Variants in MYOM1 observed in about 807,000 individuals in gnomAD.
The protein encoded by MYOM1 is myomesin 1, also known as myomesin-1.
A neutral mutation model predicts 205.3 loss-of-function variants in MYOM1; 164 were observed. That is an observed-to-expected ratio of 0.80 (90% CI 0.70 to 0.91). MYOM1 has a LOEUF of 0.91. MYOM1 is among the 40% of genes least tolerant of loss of function. The pLI is 0.00. For synonymous variants in MYOM1, 772 were observed against 789.4 expected, an observed-to-expected ratio of 0.98 and a Z score of 0.37; for missense variants, 2,011 against 2,127.3, an observed-to-expected ratio of 0.95 and a Z score of 1.08.
chr18:3,071,244 T>G lies in MYOM1; in HGVS notation c.4764+590A>C, dbSNP rs4798062. On this transcript the variant is annotated intron_variant, in intron 37 of 37. Transcript: ENST00000356443. ...ATAGAGTTAACACAGAACATGTTCATTTTCTCATAATTTTAAAGGGTGACT... is the reference window on the plus strand; with the variant it reads ...ATAGAGTTAACACAGAACATGTTCAGTTTCTCATAATTTTAAAGGGTGACT... 1.4e-3 allele frequency among the ~76,000 whole-genome samples: 213 copies of G among 152,208 alleles called. 1 individual carries two copies. Among genetic ancestry groups the G allele is most frequent in the African/African-American group, 4.7e-3 (195 of 41,524 alleles).
At chr18:3,228,947 C>T in the MYOM1 span, among the ~76,000 whole-genome samples, 1 of 152,216 alleles carries the variant, frequency 6.6e-6, no homozygotes, top group Non-Finnish European at 1.5e-5. The surrounding 1 kb of genome is among the most constrained non-coding windows in gnomAD (Gnocchi z 4.5). Context: ...TGGTTCTCAC[C>T]AATGTCCTAC....
In MYOM1 at chr18:3,156,286, T is replaced by C. The variant is rs74844038; in HGVS notation, c.1502-1198A>G. Among the ~76,000 whole-genome samples, 1,311 of 152,334 alleles carry C rather than the reference T, an allele frequency of 8.6e-3. 14 individuals are homozygous for C. Among genetic ancestry groups the C allele is most frequent in the African/African-American group, 0.027 (1,136 of 41,584 alleles). On this transcript the variant is annotated intron_variant, in intron 10 of 37. Coordinates refer to ENST00000356443, the MANE Select transcript of MYOM1 (RefSeq NM_003803.4). ...CCACTCACTCAAGGGAAAGCACCCA[T>C]GTCGACCAAACAAACACTTTCTTTC...
chr18:3,166,131 T>C (rs2080465551), intron 9 of MYOM1, among the ~76,000 whole-genome samples: 1 of 152,168 alleles, frequency 6.6e-6, no homozygotes, highest in Admixed American at 6.6e-5. Flanking sequence ...GATTATGAAC[T>C]TCAAGGGGTG....
Position 3,067,515 on chromosome 18 carries a change from G to A in MYOM1, c.4805C>T (p.Pro1602Leu), listed in dbSNP as rs899392170. The change falls in exon 38 of 38, where the codon CCG becomes CTG. Residue 1602 changes from proline (P) to leucine (L), a missense_variant. Transcript: ENST00000356443. ...CTCGTTCTTCAACCACGACACCTCC[G>A]GAGGCGGGTCTCCCCACACGTTGCA... The part of the protein sequence containing the change: ...LTCNVWGDPP[P>L]EVSWLKNEKA... 5.0e-6 allele frequency: 8 copies of A among 1,613,826 alleles called. No individual in the cohort carries two copies. Among genetic ancestry groups the A allele is most frequent in the South Asian group, 2.2e-5 (2 of 91,074 alleles).
At chr18:3,241,829 G>T in the MYOM1 span, among the ~76,000 whole-genome samples, 3,483 of 152,320 alleles carry the variant, frequency 0.023, 125 homozygotes, top group African/African-American at 0.08. Flanking sequence ...AAGACCGTGG[G>T]AACCCACCTC....
the MYOM1 span, among the ~76,000 whole-genome samples, chr18:3,245,777 G>C: frequency 6.6e-6 from 1 of 152,234 alleles, no homozygotes; most frequent in East Asian, 1.9e-4. Context: ...TCTAGAATTA[G>C]CTCTTTAACA....
At chr18:3,121,589 C>G (rs931964281) in intron 19 of MYOM1, among the ~76,000 whole-genome samples, 1 of 152,118 alleles carries the variant, frequency 6.6e-6, no homozygotes, top group Non-Finnish European at 1.5e-5. Flanking sequence ...AATTAAAACA[C>G]AGACACATAC....
chr18:3,107,499 T>C (rs2079467225), intron 22 of MYOM1, among the ~76,000 whole-genome samples: 1 of 152,184 alleles, frequency 6.6e-6, no homozygotes, highest in African/African-American at 2.4e-5. Flanking sequence ...GTTTAGTTTA[T>C]TGAGAATAGG....
Position 3,155,024 on chromosome 18 carries a change from G to T in MYOM1, c.1566C>A (p.Asn522Lys), listed in dbSNP as rs989664122. 13 of 1,613,330 alleles carry T rather than the reference G, an allele frequency of 8.1e-6. No homozygotes were observed. Among genetic ancestry groups the T allele is most frequent in the Admixed American group, 5.0e-5 (3 of 59,928 alleles). Residue 522 changes from asparagine to lysine, a missense_variant, in exon 11 of 38, where the codon AAC becomes AAA. Asn to Lys is a moderately conservative substitution (Grantham distance 94). Coordinates refer to ENST00000356443, the MANE Select transcript of MYOM1 (RefSeq NM_003803.4). ...TCCAGGAGATGATGATATAATCTTT[G>T]TTGGCCTCCAAGCACTTCACATCCA... ...APLDVKCLEANKDYIIISWKQ... is the reference protein window; with the variant it reads ...APLDVKCLEAKKDYIIISWKQ...
chr18:3,077,557 C>T (rs2079033365), intron 34 of MYOM1, among the ~76,000 whole-genome samples: 1 of 152,026 alleles, frequency 6.6e-6, no homozygotes. Context: ...CTCTTGTCCC[C>T]GCACCACTCT....
chr18:3,117,947 A>AACCATGAT lies in MYOM1; in HGVS notation c.3119-1440_3119-1433dup, dbSNP rs1178352370. ...GTTCTGTTTTGCAAAGGGCTTTTATAACCATGATCTTGTGTCATCCTGAGA... is the reference window on the plus strand; with the variant it reads ...GTTCTGTTTTGCAAAGGGCTTTTATAACCATGATACCATGATCTTGTGTCATCCTGAGA... On this transcript the variant is annotated intron_variant, in intron 20 of 37. Transcript: ENST00000356443. Among the ~76,000 whole-genome samples the AACCATGAT allele has an allele frequency of 2.6e-5, 4 of 152,300 alleles. No individual in the cohort carries two copies. In the East Asian group the frequency reaches 7.7e-4, roughly 29 times the overall value.
In MYOM1 at chr18:3,207,519, A is replaced by G. The variant is rs188762336; in HGVS notation, c.290+7415T>C. Among the ~76,000 whole-genome samples, 31 of 152,308 alleles carry G rather than the reference A, an allele frequency of 2.0e-4. No homozygotes were observed. In the East Asian group the frequency reaches 6.0e-3, roughly 29 times the overall value. ...ACACCAATATCCACTCTACTTTGGGATGGTCACTGGGATTGACTAGACATT... is the reference window on the plus strand; with the variant it reads ...ACACCAATATCCACTCTACTTTGGGGTGGTCACTGGGATTGACTAGACATT... On this transcript the variant is annotated intron_variant, in intron 2 of 37. Coordinates refer to ENST00000356443, the MANE Select transcript of MYOM1 (RefSeq NM_003803.4).
intron 10 of MYOM1, among the ~76,000 whole-genome samples, chr18:3,159,447 T>G (rs964877909): frequency 1.3e-5 from 2 of 152,206 alleles, no homozygotes; most frequent in African/African-American, 4.8e-5. Flanking sequence ...ATTTAAGCAA[T>G]GGCAGTTTCT....
At chr18:3,174,759 T>C (rs1345588591) in intron 6 of MYOM1, among the ~76,000 whole-genome samples, 1 of 152,110 alleles carries the variant, frequency 6.6e-6, no homozygotes, top group African/African-American at 2.4e-5. Flanking sequence ...CACGTTGGTC[T>C]ATGTGTTCTA....
At chr18:3,077,359 C>A (rs1268032019) in intron 34 of MYOM1, among the ~76,000 whole-genome samples, 6 of 152,102 alleles carry the variant, frequency 3.9e-5, no homozygotes, top group African/African-American at 1.4e-4. Flanking sequence ...CATTTTTAAT[C>A]TCCTCAGTGG....
intron 33 of MYOM1, 52 bp from the exon 34 acceptor site, chr18:3,079,394 TCTTTA>T: frequency 6.6e-7 from 1 of 1,526,712 alleles, no homozygotes; most frequent in African/African-American, 1.4e-5. Flanking sequence ...CCAGGGCTGA[TCTTTA>T]CTTTGTCTCT....
intron 23 of MYOM1, among the ~76,000 whole-genome samples, chr18:3,101,940 C>G (rs1203230453): frequency 6.6e-6 from 1 of 151,018 alleles, no homozygotes; most frequent in East Asian, 1.9e-4. Flanking sequence ...TCTGCCTCAG[C>G]CTCCTGAGTT....
intron 2 of MYOM1, among the ~76,000 whole-genome samples, chr18:3,212,519 A>G (rs980434564): frequency 6.6e-6 from 1 of 152,242 alleles, no homozygotes; most frequent in Non-Finnish European, 1.5e-5. Context: ...GATAATTTTA[A>G]TATAAAATTT....
chr18:3,118,756 G>A (rs920490473), intron 20 of MYOM1, among the ~76,000 whole-genome samples: 1 of 152,162 alleles, frequency 6.6e-6, no homozygotes, highest in Non-Finnish European at 1.5e-5. Flanking sequence ...CCACTTTTAT[G>A]CAGGTGGCAG....
Sources: gnomAD v4.1 joint callset for allele counts (sites outside exome capture counted in the v4.1 genomes callset) on GRCh38, gnomAD v4.1.1 for gene constraint, Gnocchi (gnomAD v3.1) non-coding constraint, MANE v1.5 for transcripts, NCBI Gene and HGNC (gene_info 2026-07-23, HGNC 2026-07-21) for gene names.